The following BBS9 variants were observed in gnomAD, a reference collection of about 807,000 sequenced individuals.
BBS9 encodes the protein Bardet-Biedl syndrome 9, also known as protein PTHB1.
BBS9 carries 89 observed loss-of-function variants against 117.7 expected under a neutral mutation model. The observed-to-expected ratio is 0.76, with a 90% CI of 0.64 to 0.90. The LOEUF is 0.90. Among genes scored for constraint, BBS9 ranks in the 40% least tolerant of loss-of-function variants. The pLI is 0.00. For missense variants in BBS9, 982 were observed against 1,042.2 expected (o/e 0.94, Z 0.80); for synonymous variants, 379 against 370.9 (o/e 1.02, Z -0.25).
At chr7:33,322,261 CCT>C (rs1464162429) in intron 9 of BBS9, among the ~76,000 whole-genome samples, 1 of 151,254 alleles carries the variant, frequency 6.6e-6, no homozygotes, top group Admixed American at 6.6e-5. Flanking sequence ...GTATTCCCTC[CCT>C]CTCTGTTTTT....
At chr7:33,202,251 A>T (rs1786009898) in intron 5 of BBS9, among the ~76,000 whole-genome samples, 1 of 152,174 alleles carries the variant, frequency 6.6e-6, no homozygotes, top group Admixed American at 6.5e-5. Flanking sequence ...AGATGCTAGG[A>T]TTATTATCAT....
At chr7:33,358,075 A>G (rs1267272583) in intron 16 of BBS9, 80 bp downstream of exon 16, 9 of 1,510,630 alleles carry the variant, frequency 6.0e-6, no homozygotes, top group Non-Finnish European at 7.3e-6. Context: ...GCAGATAATG[A>G]TGGGGTAATT....
At chr7:33,433,482 T>C (rs1232874073) in intron 19 of BBS9, among the ~76,000 whole-genome samples, 1 of 152,238 alleles carries the variant, frequency 6.6e-6, no homozygotes, top group Non-Finnish European at 1.5e-5. Flanking sequence ...TGAAAGTTCT[T>C]CCTCTGTTTT....
chr7:33,417,790 C>A (rs2128844332), intron 19 of BBS9, among the ~76,000 whole-genome samples: 1 of 152,216 alleles, frequency 6.6e-6, no homozygotes, highest in Non-Finnish European at 1.5e-5. Context: ...TTCCATTCAG[C>A]CAAGTTCATT....
intron 5 of BBS9, among the ~76,000 whole-genome samples, chr7:33,208,995 A>G (rs1175246445): frequency 6.6e-6 from 1 of 152,208 alleles, no homozygotes; most frequent in African/African-American, 2.4e-5. Context: ...GTACAATTAA[A>G]TTATTACTGA....
chr7:33,495,445 G>T (rs569763701), intron 19 of BBS9, among the ~76,000 whole-genome samples: 2 of 152,314 alleles, frequency 1.3e-5, no homozygotes, highest in East Asian at 1.9e-4. Context: ...TCTAAACTTA[G>T]AAACTATTCA....
intron 4 of BBS9, among the ~76,000 whole-genome samples, chr7:33,161,159 C>T (rs752362446): frequency 4.5e-4 from 69 of 151,936 alleles, no homozygotes; most frequent in Non-Finnish European, 8.5e-4. Flanking sequence ...TTCTAGGGTA[C>T]ATGTACAACG....
intron 20 of BBS9, among the ~76,000 whole-genome samples, chr7:33,522,191 A>C (rs1585111548): frequency 2.0e-5 from 3 of 152,032 alleles, no homozygotes; most frequent in Non-Finnish European, 4.4e-5. Context: ...ATTGTGAATA[A>C]TGCTGCAGTA....
At chr7:33,180,609 C>T (rs2128170211) in intron 5 of BBS9, among the ~76,000 whole-genome samples, 1 of 152,298 alleles carries the variant, frequency 6.6e-6, no homozygotes, top group African/African-American at 2.4e-5. Flanking sequence ...CCTGCCTCAG[C>T]CTCTCAAAGT....
chr7:33,320,973 A>G (rs1811591335), intron 9 of BBS9, among the ~76,000 whole-genome samples: 1 of 152,046 alleles, frequency 6.6e-6, no homozygotes, highest in Non-Finnish European at 1.5e-5. Context: ...AGACCCACTT[A>G]TTGAAGAGAC....
At chr7:33,478,492 G>T (rs1489678373) in intron 19 of BBS9, among the ~76,000 whole-genome samples, 1 of 152,150 alleles carries the variant, frequency 6.6e-6, no homozygotes, top group African/African-American at 2.4e-5. Flanking sequence ...AGTGGCTGAT[G>T]TAAGGTGCAG....
intron 19 of BBS9, among the ~76,000 whole-genome samples, chr7:33,393,447 C>T (rs181548770): frequency 2.0e-5 from 3 of 152,116 alleles, no homozygotes; most frequent in African/African-American, 7.2e-5. Context: ...TTTCTTAATA[C>T]TTTTAGAACA....
At chr7:33,496,348 A>G (rs543435781) in intron 19 of BBS9, among the ~76,000 whole-genome samples, 169 of 152,196 alleles carry the variant, frequency 1.1e-3, no homozygotes, top group Non-Finnish European at 2.2e-3. Context: ...TATTAAAACT[A>G]CAAAAAATTA....
chr7:33,470,032 C>G (rs1000387811), intron 19 of BBS9, among the ~76,000 whole-genome samples: 1 of 151,998 alleles, frequency 6.6e-6, no homozygotes, highest in African/African-American at 2.4e-5. Flanking sequence ...TCTGAGAAAG[C>G]CTTTGTTGGG....
chr7:33,366,873 G>A (rs1368770670), intron 16 of BBS9, among the ~76,000 whole-genome samples: 1 of 152,094 alleles, frequency 6.6e-6, no homozygotes, highest in Non-Finnish European at 1.5e-5. Flanking sequence ...CACTTTGTCT[G>A]TAAATTGGTA....
At chr7:33,535,100 T>C (rs1156364085) in intron 21 of BBS9, among the ~76,000 whole-genome samples, 5 of 152,314 alleles carry the variant, frequency 3.3e-5, no homozygotes, top group Non-Finnish European at 7.3e-5. Flanking sequence ...AAGATAAACA[T>C]GGAGACAGCA....
At position 33,604,850 on chromosome 7, in the gene BBS9, G is replaced by A; in HGVS notation, c.2522-15G>A. On this transcript the variant is annotated splice_polypyrimidine_tract_variant and intron_variant, in intron 21 of 22. Transcript: ENST00000242067. Reference sequence around the variant, plus strand: ...TTACACATTGCTTAAAATATTGTTTGTATTTTTCAACTAGGTGGTTGTACT... The same window carrying A: ...TTACACATTGCTTAAAATATTGTTTATATTTTTCAACTAGGTGGTTGTACT... The A allele has an allele frequency of 6.4e-7, 1 of 1,566,474 alleles. No homozygotes were observed. Among genetic ancestry groups the A allele is most frequent in the Non-Finnish European group, 8.8e-7 (1 of 1,138,092 alleles).
At position 33,155,676 on chromosome 7, in the gene BBS9, G is replaced by A; in HGVS notation, c.302G>A (p.Arg101Lys). The A allele has an allele frequency of 6.3e-7, 1 of 1,594,088 alleles. No homozygotes were observed. The highest frequency in any genetic ancestry group is 2.2e-5 in the East Asian group (1 of 44,454). ...EMLHLAVLHS[R>K]KLCVYSVSGT... ...CTACATTTGGCTGTGTTACATTCTA[G>A]AAAACTTTGTGTCTACTCTGTCTCA... The change falls in exon 4 of 23, where the codon AGA (arginine) becomes AAA (lysine). Residue 101 changes from arginine (R) to lysine (K), a missense_variant. Physicochemically the swap from Arg to Lys is conservative, Grantham distance 26. Coordinates refer to ENST00000242067, the MANE Select transcript of BBS9 (RefSeq NM_198428.3).
rs79991797 is a variant in BBS9 at position 33,350,365 on chromosome 7, G to T, written c.1433-854G>T. On this transcript the variant is annotated intron_variant, in intron 13 of 22. Transcript: ENST00000242067. ...GGTGATACCCAGCCATTGAACTTTT[G>T]CTTGCATTTCTGATTTTGTATAACA... 3.0e-4 allele frequency among the ~76,000 whole-genome samples: 14 copies of T among 46,076 alleles called. No individual in the cohort carries two copies. The South Asian group carries it at 0.01, about 33-fold the overall frequency. The allele number at this position is 46,076 out of a possible 152,430, so 30.2% of individuals were successfully genotyped here.
Sources: allele counts gnomAD v4.1 joint callset (sites outside exome capture counted in the v4.1 genomes callset), GRCh38; gene constraint gnomAD v4.1.1; transcripts MANE v1.5; gene names NCBI Gene and HGNC (gene_info 2026-07-23, HGNC 2026-07-21).